The following NDE1 variants were observed in gnomAD, a reference collection of about 807,000 sequenced individuals.
NDE1 encodes nudE neurodevelopment protein 1.
NDE1 carries 28 observed loss-of-function variants against 43.4 expected under a neutral mutation model. The ratio of observed to expected loss-of-function variants is 0.65; its 90% confidence interval spans 0.48 to 0.89. The LOEUF (loss-of-function observed/expected upper bound fraction) is 0.89, where lower values mean the gene tolerates loss of function less well. Ranked by LOEUF, NDE1 falls within the 40% of genes least tolerant of loss-of-function variation. The pLI, the probability that NDE1 is intolerant of heterozygous loss-of-function variation, is 0.00. For missense variants in NDE1, 441 were observed against 434.1 expected, an observed-to-expected ratio of 1.02 and a Z score of -0.14; for synonymous variants, 184 against 172.0, an observed-to-expected ratio of 1.07 and a Z score of -0.55.
intron 1 of NDE1, among the ~76,000 whole-genome samples, chr16:15,654,972 C>T (rs374649072): frequency 1.3e-5 from 2 of 151,972 alleles, no homozygotes; most frequent in East Asian, 1.9e-4. Flanking sequence ...TGCCTGCTTT[C>T]TGCCACAGAG....
intron 4 of NDE1, 38 bp downstream of exon 4, chr16:15,677,987 C>A (rs748743728): frequency 1.2e-6 from 2 of 1,612,690 alleles, no homozygotes; most frequent in Admixed American, 1.7e-5. Context: ...GGGAGACTCT[C>A]CTCTCTGCTT....
At chr16:15,665,674 G>A (rs577675225) in intron 2 of NDE1, among the ~76,000 whole-genome samples, 258 of 151,572 alleles carry the variant, frequency 1.7e-3, no homozygotes, top group African/African-American at 6.0e-3. Context: ...TGAACTCCTG[G>A]CTTCACGTGA....
chr16:15,682,578 T>A (rs2038237537), intron 4 of NDE1, among the ~76,000 whole-genome samples: 1 of 152,182 alleles, frequency 6.6e-6, no homozygotes, highest in Non-Finnish European at 1.5e-5. Context: ...TTGAAAAGTG[T>A]GCAGGACCTA....
chr16:15,688,689 C>CTTTTTTTTTTTTTTTTTTTTTTTTTTTTT (rs1194565114), intron 5 of NDE1, among the ~76,000 whole-genome samples: 1 of 59,990 alleles, frequency 1.7e-5, no homozygotes, highest in African/African-American at 6.8e-5. Flanking sequence ...TTGTTTTTAC[C>CTTTTTTTTTTTTTTTTTTTTTTTTTTTTT]TTTTTTTTTT....
chr16:15,709,270 G>A (rs2039645099), intron 8 of NDE1, among the ~76,000 whole-genome samples: 1 of 151,818 alleles, frequency 6.6e-6, no homozygotes, highest in African/African-American at 2.4e-5. Context: ...TTAAGTCAAC[G>A]TTGCAGTGAA....
intron 8 of NDE1, chr16:15,711,334 CAGAG>C (rs377170805): frequency 2.0e-5 from 3 of 152,140 alleles, no homozygotes; most frequent in South Asian, 4.1e-4. Flanking sequence ...ATTATGATGT[CAGAG>C]AGAGTCTATT....
At chr16:15,720,712 G>A (rs1052602811) in intron 8 of NDE1, 70 of 1,052,434 alleles carry the variant, frequency 6.7e-5, no homozygotes, top group Non-Finnish European at 7.8e-5. Context: ...CAGCCTGGGC[G>A]ACAGAGCGAG....
intron 8 of NDE1, among the ~76,000 whole-genome samples, chr16:15,710,906 G>A (rs1035889883): frequency 1.2e-4 from 18 of 152,148 alleles, no homozygotes; most frequent in African/African-American, 4.1e-4. Context: ...TCGAACTCCT[G>A]ACCTCAGGTG....
chr16:15,703,796 CAGGCTGG>C (rs1383551483), intron 8 of NDE1: 1 of 733,690 alleles, frequency 1.4e-6, no homozygotes, highest in African/African-American at 1.8e-5. Context: ...CTACGTTGCC[CAGGCTGG>C]AGGGTGGTGG....
intron 8 of NDE1, chr16:15,704,152 A>G: frequency 6.2e-7 from 1 of 1,613,270 alleles, no homozygotes; most frequent in East Asian, 2.2e-5. Context: ...CACATTATTT[A>G]GCAAAGAAAT....
chr16:15,721,374 G>C (rs759853550), intron 8 of NDE1: 8 of 1,583,422 alleles, frequency 5.1e-6, no homozygotes, highest in Non-Finnish European at 6.9e-6. Context: ...TAGCACAGAG[G>C]GTGGGCAGGC....
At chr16:15,702,966 G>A (rs2039270958) in intron 8 of NDE1, among the ~76,000 whole-genome samples, 1 of 152,048 alleles carries the variant, frequency 6.6e-6, no homozygotes, top group African/African-American at 2.4e-5. Flanking sequence ...TCTGCTCTCT[G>A]GCTGGCTGTG....
chr16:15,704,007 G>A, intron 8 of NDE1: 1 of 1,614,026 alleles, frequency 6.2e-7, no homozygotes. Context: ...ACTGGCCTTG[G>A]TTCCATTGAA....
At chr16:15,685,434 A>G (rs2038389395) in intron 4 of NDE1, among the ~76,000 whole-genome samples, 1 of 151,944 alleles carries the variant, frequency 6.6e-6, no homozygotes, top group East Asian at 1.9e-4. Flanking sequence ...TACTTTTTGT[A>G]GAGACAGGGT....
At chr16:15,667,115 G>A (rs181738100) in intron 2 of NDE1, among the ~76,000 whole-genome samples, 171 bp from the exon 3 acceptor site, 2 of 152,134 alleles carry the variant, frequency 1.3e-5, no homozygotes, top group Admixed American at 6.6e-5. Flanking sequence ...GTGTGGTGCC[G>A]CATGCCTGTA....
At chr16:15,695,120 G>A (rs2038946857) in intron 7 of NDE1, among the ~76,000 whole-genome samples, 1 of 151,844 alleles carries the variant, frequency 6.6e-6, no homozygotes, top group Admixed American at 6.6e-5. Flanking sequence ...GGGAGGTTGA[G>A]GCTGAGTGAG....
At chr16:15,694,644 A>G in intron 7 of NDE1, 11 of 985,318 alleles carry the variant, frequency 1.1e-5, no homozygotes, top group Non-Finnish European at 1.3e-5. Context: ...CAATGCGTCC[A>G]GCCCCTTTCA....
chr16:15,695,799 GC>G, intron 7 of NDE1: 1 of 791,490 alleles, frequency 1.3e-6, no homozygotes, highest in Non-Finnish European at 1.5e-6. Flanking sequence ...TCAGTATTTA[GC>G]CTAGTTGGAG....
chr16:15,716,205 T>C (rs779343123), intron 8 of NDE1, among the ~76,000 whole-genome samples: 3 of 152,134 alleles, frequency 2.0e-5, no homozygotes, highest in Admixed American at 6.6e-5. Flanking sequence ...AGTGCCGGGA[T>C]TATGGGCATG....
Sources: gnomAD v4.1 joint callset for allele counts (sites outside exome capture counted in the v4.1 genomes callset) on GRCh38, gnomAD v4.1.1 for gene constraint, MANE v1.5 for transcripts, NCBI Gene and HGNC (gene_info 2026-07-23, HGNC 2026-07-21) for gene names.